The following RAB27A variants were observed in gnomAD, a reference collection of about 807,000 sequenced individuals.
RAB27A encodes RAB27A, member RAS oncogene family.
RAB27A carries 17 observed loss-of-function variants against 20.8 expected under a neutral mutation model. The observed-to-expected ratio is 0.82, with a 90% confidence interval of 0.56 to 1.23. RAB27A has a LOEUF of 1.23. RAB27A is among the 50% of genes most tolerant of loss of function. The probability of loss-of-function intolerance (pLI) is 0.00; values close to 1 mark genes in which losing one functional copy is unlikely to be tolerated. For missense variants in RAB27A, 277 were observed against 266.7 expected (o/e 1.04, Z -0.27); for synonymous variants, 85 against 92.8 (o/e 0.92, Z 0.48).
intron 4 of RAB27A, among the ~76,000 whole-genome samples, chr15:55,229,632 G>A (rs371307895): frequency 2.0e-5 from 3 of 151,762 alleles, no homozygotes; most frequent in Non-Finnish European, 4.4e-5. Flanking sequence ...CTGAGATCAC[G>A]TCAGCCTGGG....
chr15:55,230,879 G>A (rs1030516806), intron 3 of RAB27A, among the ~76,000 whole-genome samples: 3 of 152,098 alleles, frequency 2.0e-5, no homozygotes, highest in South Asian at 2.1e-4. Context: ...TAGATAGATT[G>A]CATAATGCTG....
At chr15:55,264,207 C>T (rs1897378097) in intron 2 of RAB27A, among the ~76,000 whole-genome samples, 1 of 152,116 alleles carries the variant, frequency 6.6e-6, no homozygotes, top group South Asian at 2.1e-4. Flanking sequence ...TGCACCACCA[C>T]ATCCGGTTAA....
At chr15:55,237,109 C>A (rs1378512743) in intron 2 of RAB27A, among the ~76,000 whole-genome samples, 1 of 152,186 alleles carries the variant, frequency 6.6e-6, no homozygotes, top group East Asian at 1.9e-4. Context: ...CATCTATACA[C>A]ATGCCAGATG....
chr15:55,239,448 G>A (rs1476983187), intron 2 of RAB27A, among the ~76,000 whole-genome samples: 1 of 152,094 alleles, frequency 6.6e-6, no homozygotes, highest in Non-Finnish European at 1.5e-5. Context: ...TAGATATTCT[G>A]TATCCAAAAA....
At chr15:55,274,829 T>TATATATATAG (rs1244330728) in intron 1 of RAB27A, among the ~76,000 whole-genome samples, 1 of 139,008 alleles carries the variant, frequency 7.2e-6, no homozygotes, top group African/African-American at 2.6e-5. Context: ...TATATATGTA[T>TATATATATAG]AGAGAGAGAC....
intron 2 of RAB27A, among the ~76,000 whole-genome samples, chr15:55,304,431 T>C (rs1314420997): frequency 6.7e-6 from 1 of 148,770 alleles, no homozygotes; most frequent in Non-Finnish European, 1.5e-5. Context: ...CAAATCCCCC[T>C]CTGTGAGAAA....
intron 5 of RAB27A, among the ~76,000 whole-genome samples, chr15:55,224,661 T>C (rs1439313349): frequency 6.6e-6 from 1 of 152,170 alleles, no homozygotes; most frequent in Non-Finnish European, 1.5e-5. Flanking sequence ...AACCTGCAAA[T>C]AGGCACAATT....
At chr15:55,319,100 G>A (rs1051163479) in exon 1 of RAB27A, 13 of 895,854 alleles carry the variant, frequency 1.5e-5, no homozygotes, top group East Asian at 2.9e-5. Context: ...CCGCAAGGAG[G>A]CCACCACGTC....
rs58693379 is a variant in RAB27A, at chr15:55,241,600, TTATATATA to T, written c.-22-6652_-22-6645del. Among the ~76,000 whole-genome samples the T allele has an allele frequency of 6.1e-4, 75 of 123,874 alleles. 3 individuals are homozygous for T. Among genetic ancestry groups the T allele is most frequent in the African/African-American group, 3.0e-3 (70 of 23,442 alleles). The allele number at this position is 123,874 out of a possible 152,430, so 81.3% of individuals were successfully genotyped here. On this transcript the variant is annotated intron_variant, in intron 2 of 6. Coordinates refer to ENST00000336787, the MANE Select transcript of RAB27A (RefSeq NM_183235.3). ...AGCCCAGGCAACTAGCAAGACCTAT[TTATATATA>T]TATATATATATATATATGTGTGTAT...
chr15:55,240,928 A>G (rs1014068183), intron 2 of RAB27A, among the ~76,000 whole-genome samples: 3 of 152,204 alleles, frequency 2.0e-5, no homozygotes, highest in Admixed American at 6.5e-5. Context: ...CATCATCAAT[A>G]TATTTTAGAC....
At chr15:55,215,647 G>A (rs1895251974) in intron 6 of RAB27A, among the ~76,000 whole-genome samples, 2 of 74,790 alleles carry the variant, frequency 2.7e-5, no homozygotes, top group African/African-American at 7.8e-5. Context: ...GCGAGACTCC[G>A]TCTCAAAAAA....
intron 6 of RAB27A, among the ~76,000 whole-genome samples, chr15:55,213,240 T>C (rs1410765878): frequency 6.6e-6 from 1 of 152,236 alleles, no homozygotes. Context: ...CCTCCACGAT[T>C]ACTGTTCTTG....
At chr15:55,258,527 A>T (rs1897163159) in intron 2 of RAB27A, among the ~76,000 whole-genome samples, 1 of 152,202 alleles carries the variant, frequency 6.6e-6, no homozygotes, top group African/African-American at 2.4e-5. Context: ...CACCAGGGGG[A>T]GTCACCTCCT....
intron 3 of RAB27A, among the ~76,000 whole-genome samples, chr15:55,234,375 A>C (rs1178959123): frequency 6.6e-6 from 1 of 152,206 alleles, no homozygotes. Context: ...TCCATGTGGA[A>C]CTGCTGAGAC....
rs192241593 is a variant in RAB27A at position 55,316,623 on chromosome 15, A to C, written c.-234+2308T>G. ...GAGAAAAAAAGAAAATACAAACTTA[A>C]CGCTAGAGTAAAAAGTAATACCAAT... On this transcript the variant is annotated intron_variant, in intron 1 of 5. Coordinates refer to the RAB27A transcript ENST00000563262. Among the ~76,000 whole-genome samples the C allele has an allele frequency of 3.9e-3, 600 of 152,242 alleles. 1 individual carries two copies. The highest frequency in any genetic ancestry group is 6.4e-3 in the Non-Finnish European group (435 of 68,020).
intron 1 of RAB27A, among the ~76,000 whole-genome samples, chr15:55,283,168 C>G (rs1308270436): frequency 1.3e-5 from 2 of 152,088 alleles, no homozygotes; most frequent in Non-Finnish European, 2.9e-5. Context: ...CTCCTGTGTA[C>G]TGAGAATGTT....
intron 1 of RAB27A, among the ~76,000 whole-genome samples, chr15:55,271,784 C>T (rs1289023697): frequency 6.6e-6 from 1 of 151,760 alleles, no homozygotes; most frequent in Admixed American, 6.6e-5. Context: ...CTAGGAGAAG[C>T]TACGCTTTCA....
chr15:55,252,713 T>A (rs563688122), intron 2 of RAB27A, among the ~76,000 whole-genome samples: 21 of 152,260 alleles, frequency 1.4e-4, no homozygotes, highest in African/African-American at 5.1e-4. Flanking sequence ...CGTATCTATC[T>A]ATCTATATAC....
chr15:55,273,854 A>C (rs968319689), intron 1 of RAB27A, among the ~76,000 whole-genome samples: 1 of 152,344 alleles, frequency 6.6e-6, no homozygotes, highest in Non-Finnish European at 1.5e-5. Flanking sequence ...ATAGAAAATC[A>C]ATAAGGAAAT....
Sources: allele counts gnomAD v4.1 joint callset (sites outside exome capture counted in the v4.1 genomes callset), GRCh38; gene constraint gnomAD v4.1.1; transcripts MANE v1.5; gene names NCBI Gene and HGNC (gene_info 2026-07-23, HGNC 2026-07-21).